The following PRUNE2 variants were observed in gnomAD, a reference collection of about 807,000 sequenced individuals.
The protein encoded by PRUNE2 is prune homolog 2 with BCH domain.
Under a neutral mutation model 252.0 loss-of-function variants are expected in PRUNE2, and 164 were observed. The ratio of observed to expected loss-of-function variants is 0.65; its 90% CI spans 0.57 to 0.74. The LOEUF (loss-of-function observed/expected upper bound fraction) is 0.74, where lower values mean the gene tolerates loss of function less well. Ranked by LOEUF, PRUNE2 falls within the 30% of genes least tolerant of loss-of-function variation. PRUNE2 has a pLI of 0.00. For synonymous variants in PRUNE2, 1,292 were observed against 1,350.2 expected, an observed-to-expected ratio of 0.96 and a Z score of 0.94; for missense variants, 3,495 against 3,711.0, an observed-to-expected ratio of 0.94 and a Z score of 1.51.
At chr9:76,636,973 A>ATGTGTGTGTGTGTGTGTGTGTGTGTGTG (rs71354667) in intron 14 of PRUNE2, among the ~76,000 whole-genome samples, 1 of 145,404 alleles carries the variant, frequency 6.9e-6, no homozygotes, top group African/African-American at 2.7e-5. Flanking sequence ...AACAACAAAA[A>ATGTGTGTGTGTGTGTGTGTGTGTGTGTG]TGTGTGTGTG....
At chr9:76,670,551 C>T (rs2041192707) in intron 9 of PRUNE2, among the ~76,000 whole-genome samples, 1 of 152,070 alleles carries the variant, frequency 6.6e-6, no homozygotes, top group South Asian at 2.1e-4. Flanking sequence ...GAGCCCACCA[C>T]AGCTCAAGGA....
Position 76,716,308 on chromosome 9 carries a change from T to C in PRUNE2, c.757-2587A>G, listed in dbSNP as rs149814865. ...GCATTGGCAACACCAGGCATCTTGT[T>C]GGAAATGCAGAGTCTCCGGCAAAAC... On this transcript the variant is annotated intron_variant, in intron 6 of 18. Coordinates refer to ENST00000376718, the MANE Select transcript of PRUNE2 (RefSeq NM_015225.3). Among the ~76,000 whole-genome samples, 281 of 152,366 alleles carry C rather than the reference T, an allele frequency of 1.8e-3. 1 individual carries two copies. The highest frequency in any genetic ancestry group is 2.9e-3 in the Non-Finnish European group (197 of 68,044).
At chr9:76,754,169 T>C (rs1325641209) in intron 6 of PRUNE2, among the ~76,000 whole-genome samples, 1 of 152,166 alleles carries the variant, frequency 6.6e-6, no homozygotes, top group Non-Finnish European at 1.5e-5. Flanking sequence ...AAATAGCCCT[T>C]TGCAGTGAAA....
At chr9:76,746,391 T>C (rs1025546415) in intron 6 of PRUNE2, among the ~76,000 whole-genome samples, 1 of 152,102 alleles carries the variant, frequency 6.6e-6, no homozygotes, top group Non-Finnish European at 1.5e-5. Flanking sequence ...GTCATGCCTA[T>C]GTAATGAAGC....
At position 76,809,650 on chromosome 9, in the gene PRUNE2, C is replaced by T. The variant is rs562450027; in HGVS notation, c.756+13982G>A. On this transcript the variant is annotated intron_variant, in intron 6 of 18. Transcript: ENST00000376718. ...GGCAGAGGTTGCAGTGAGCTGAGAT[C>T]GTGCCACTGCACTCCAGCCTGGTGA... 5.3e-5 allele frequency among the ~76,000 whole-genome samples: 8 copies of T among 152,212 alleles called. No homozygotes were observed. The South Asian group carries it at 1.0e-3, about 20-fold the overall frequency.
intron 4 of PRUNE2, among the ~76,000 whole-genome samples, chr9:76,845,543 G>A (rs1184103241): frequency 2.6e-5 from 4 of 152,166 alleles, no homozygotes; most frequent in Non-Finnish European, 2.9e-5. Flanking sequence ...GCAGGTTTAC[G>A]AAGGCCATCA....
Position 76,707,595 on chromosome 9 carries a change from C to T in PRUNE2, c.4679G>A (p.Trp1560Ter), listed in dbSNP as rs1564103728. The change falls in exon 8 of 19, where the codon TGG (tryptophan) becomes TAG (stop). Residue 1560 changes from tryptophan (W) to a stop codon, truncating the protein, a stop_gained. Coordinates refer to ENST00000376718, the MANE Select transcript of PRUNE2 (RefSeq NM_015225.3). LOFTEE classifies it high-confidence loss of function. ...LNDSSVALSS[W>*]GQQPSSGYQE... Reference sequence around the variant, plus strand: ...ATACCCAGAACTGGGTTGCTGGCCCCAGGAGGACAGTGCAACTGAAGAGTC... The same window carrying T: ...ATACCCAGAACTGGGTTGCTGGCCCTAGGAGGACAGTGCAACTGAAGAGTC... The T allele has an allele frequency of 1.2e-6, 2 of 1,613,876 alleles. No homozygotes were observed. Among genetic ancestry groups the T allele is most frequent in the East Asian group, 4.5e-5 (2 of 44,874 alleles).
intron 6 of PRUNE2, among the ~76,000 whole-genome samples, chr9:76,754,926 A>G (rs1050557049): frequency 3.6e-5 from 5 of 140,566 alleles, no homozygotes; most frequent in Non-Finnish European, 7.6e-5. Flanking sequence ...AGATTGTGGC[A>G]CTGCACTCCA....
intron 6 of PRUNE2, among the ~76,000 whole-genome samples, chr9:76,735,943 G>C (rs768340094): frequency 2.0e-5 from 3 of 152,122 alleles, no homozygotes; most frequent in Non-Finnish European, 4.4e-5. Flanking sequence ...ATTTACATGC[G>C]TCATTTGTTC....
chr9:76,729,826 C>T (rs1341834367), intron 6 of PRUNE2, among the ~76,000 whole-genome samples: 1 of 152,020 alleles, frequency 6.6e-6, no homozygotes, highest in Non-Finnish European at 1.5e-5. Flanking sequence ...TGCAGCCATA[C>T]ATATAAAATT....
chr9:76,762,836 G>A (rs761072600), intron 6 of PRUNE2, among the ~76,000 whole-genome samples: 2 of 152,154 alleles, frequency 1.3e-5, no homozygotes, highest in East Asian at 1.9e-4. Context: ...CAGGTAAAAC[G>A]TTTTTAGTTG....
Position 76,890,160 on chromosome 9 carries a change from T to G in PRUNE2, c.36+15768A>C, listed in dbSNP as rs145402782. ...TCCCTAGAGCAAGTTACTTGACCTC[T>G]TTGAGCCTCAGTTTCCAGCTCTGCA... On this transcript the variant is annotated intron_variant, in intron 1 of 18. Coordinates refer to ENST00000376718, the MANE Select transcript of PRUNE2 (RefSeq NM_015225.3). Among the ~76,000 whole-genome samples the G allele has an allele frequency of 6.4e-3, 975 of 152,350 alleles. 12 individuals are homozygous for G. Among genetic ancestry groups the G allele is most frequent in the African/African-American group, 0.022 (910 of 41,576 alleles).
chr9:76,731,525 A>C (rs557557351), intron 6 of PRUNE2, among the ~76,000 whole-genome samples: 1 of 152,054 alleles, frequency 6.6e-6, no homozygotes, highest in South Asian at 2.1e-4. Flanking sequence ...ACAGGGTCTC[A>C]TTATGTTGCC....
intron 6 of PRUNE2, among the ~76,000 whole-genome samples, chr9:76,753,945 G>A (rs1402489735): frequency 1.3e-5 from 2 of 149,744 alleles, no homozygotes; most frequent in African/African-American, 4.9e-5. Flanking sequence ...AGTTGCCTAA[G>A]TGATTCCACC....
At chr9:76,714,481 G>A (rs1274532663) in intron 6 of PRUNE2, among the ~76,000 whole-genome samples, 2 of 152,124 alleles carry the variant, frequency 1.3e-5, no homozygotes, top group African/African-American at 4.8e-5. Flanking sequence ...TGCAACCTAT[G>A]CCTCCTGGGC....
chr9:76,671,047 G>A (rs1242827079), intron 9 of PRUNE2, among the ~76,000 whole-genome samples: 3 of 152,226 alleles, frequency 2.0e-5, no homozygotes, highest in Admixed American at 6.5e-5. Context: ...AATAAAGCTG[G>A]ATGGAGAATG....
intron 6 of PRUNE2, chr9:76,759,448 T>A (rs2051477912): frequency 6.6e-6 from 1 of 152,166 alleles, no homozygotes; most frequent in Non-Finnish European, 1.5e-5. Flanking sequence ...AACCCCAGGC[T>A]CCATGAGCAG....
At chr9:76,665,842 GGCGGCAA>G (rs141199008) in intron 9 of PRUNE2, among the ~76,000 whole-genome samples, 2,057 of 152,164 alleles carry the variant, frequency 0.014, 48 homozygotes, top group African/African-American at 0.046. Flanking sequence ...GAGATCTGTG[GGCGGCAA>G]GCCACCTAGG....
chr9:76,766,622 C>G (rs999748599), intron 6 of PRUNE2, among the ~76,000 whole-genome samples: 2 of 152,104 alleles, frequency 1.3e-5, no homozygotes, highest in Non-Finnish European at 2.9e-5. Context: ...CCTTACATAC[C>G]TCCCTCGTTT....
Sources: allele counts gnomAD v4.1 joint callset (sites outside exome capture counted in the v4.1 genomes callset), GRCh38; gene constraint gnomAD v4.1.1; transcripts MANE v1.5; gene names NCBI Gene and HGNC (gene_info 2026-07-23, HGNC 2026-07-21).